SH3GL2: variants seen among roughly 807,000 people sequenced by gnomAD.
The protein encoded by SH3GL2 is SH3 domain containing GRB2 like 2, endophilin A1, also known as endophilin-A1.
Under a neutral mutation model 46.0 loss-of-function variants are expected in SH3GL2, and 24 were observed. That is an observed-to-expected ratio of 0.52 (90% CI 0.38 to 0.73). The LOEUF (loss-of-function observed/expected upper bound fraction) is 0.73. Ranked by LOEUF, SH3GL2 falls within the 30% of genes least tolerant of loss-of-function variation. The pLI is 0.00. For missense variants in SH3GL2, 413 were observed against 424.2 expected, an observed-to-expected ratio of 0.97 and a Z score of 0.23; for synonymous variants, 196 against 147.1, an observed-to-expected ratio of 1.33 and a Z score of -2.40.
intron 1 of SH3GL2, among the ~76,000 whole-genome samples, chr9:17,662,737 C>G (rs373021413): frequency 1.8e-5 from 2 of 109,566 alleles, no homozygotes; most frequent in Non-Finnish European, 3.4e-5. Flanking sequence ...GAGACAGAGT[C>G]TTGCTCTTGT....
chr9:17,630,299 G>T (rs1485939240), intron 1 of SH3GL2: 3 of 152,208 alleles, frequency 2.0e-5, no homozygotes, highest in African/African-American at 7.2e-5. Flanking sequence ...ATAAGGTGAT[G>T]AAAATAATTT....
At chr9:17,689,945 A>G (rs115950042) in intron 1 of SH3GL2, among the ~76,000 whole-genome samples, 381 of 152,276 alleles carry the variant, frequency 2.5e-3, no homozygotes, top group African/African-American at 8.8e-3. Flanking sequence ...TGTAGCAACT[A>G]GAACAACTCC....
intron 1 of SH3GL2, among the ~76,000 whole-genome samples, chr9:17,615,104 G>C (rs918535263): frequency 1.3e-5 from 2 of 152,154 alleles, no homozygotes; most frequent in African/African-American, 4.8e-5. Flanking sequence ...CCTACTCCCA[G>C]GTGTTAAGTT....
At chr9:17,617,976 T>G (rs1819044851) in intron 1 of SH3GL2, among the ~76,000 whole-genome samples, 1 of 152,122 alleles carries the variant, frequency 6.6e-6, no homozygotes, top group Non-Finnish European at 1.5e-5. Context: ...GGCTAGGGTT[T>G]AGGGGATAGA....
chr9:17,684,527 G>A (rs1479870038), intron 1 of SH3GL2, among the ~76,000 whole-genome samples: 2 of 152,002 alleles, frequency 1.3e-5, no homozygotes, highest in Non-Finnish European at 2.9e-5. Flanking sequence ...CAATAGTGTG[G>A]TATAAAATAG....
chr9:17,642,418 A>G (rs1407386265), intron 1 of SH3GL2, among the ~76,000 whole-genome samples: 1 of 152,156 alleles, frequency 6.6e-6, no homozygotes, highest in African/African-American at 2.4e-5. Context: ...TTTAGTCATG[A>G]AGGCTGCCCA....
chr9:17,585,501 CAG>C (rs907153199), intron 1 of SH3GL2, among the ~76,000 whole-genome samples: 9 of 152,206 alleles, frequency 5.9e-5, no homozygotes, highest in African/African-American at 1.9e-4. Flanking sequence ...CTCAAGAAAA[CAG>C]AGTTTATTAT....
chr9:17,648,469 A>G (rs577692820), intron 1 of SH3GL2, among the ~76,000 whole-genome samples: 6 of 152,328 alleles, frequency 3.9e-5, no homozygotes, highest in East Asian at 1.9e-4. Context: ...GGCTTTGTCT[A>G]TCTTTTGGAA....
intron 3 of SH3GL2, among the ~76,000 whole-genome samples, chr9:17,772,629 CATA>C (rs1823519862): frequency 6.6e-6 from 1 of 152,160 alleles, no homozygotes; most frequent in Non-Finnish European, 1.5e-5. Context: ...TTTCACTTGG[CATA>C]ATGTCCCAAG....
At chr9:17,705,148 A>C (rs1389883410) in intron 1 of SH3GL2, among the ~76,000 whole-genome samples, 3 of 152,082 alleles carry the variant, frequency 2.0e-5, no homozygotes, top group African/African-American at 7.2e-5. Context: ...AACATGCTCA[A>C]CATCACTGAT....
At chr9:17,675,029 A>G (rs1296107976) in intron 1 of SH3GL2, among the ~76,000 whole-genome samples, 2 of 152,140 alleles carry the variant, frequency 1.3e-5, no homozygotes, top group African/African-American at 4.8e-5. Context: ...GAGGAATGTG[A>G]TTGTTTGTTG....
intron 1 of SH3GL2, among the ~76,000 whole-genome samples, chr9:17,586,889 A>G (rs1303123090): frequency 6.6e-6 from 1 of 152,214 alleles, no homozygotes; most frequent in Non-Finnish European, 1.5e-5. Context: ...AGAAACATAA[A>G]GCAGATAGCC....
intron 1 of SH3GL2, among the ~76,000 whole-genome samples, chr9:17,735,001 A>G (rs1172506805): frequency 6.6e-6 from 1 of 152,156 alleles, no homozygotes; most frequent in African/African-American, 2.4e-5. Context: ...TTTCCCCTAC[A>G]TTCCAGAACT....
chr9:17,584,451 C>T (rs1294163516), intron 1 of SH3GL2, among the ~76,000 whole-genome samples: 1 of 152,136 alleles, frequency 6.6e-6, no homozygotes, highest in Non-Finnish European at 1.5e-5. Context: ...TGCAGTGAGT[C>T]AAGATGGTGC....
chr9:17,781,409 A>G (rs1257289570), intron 3 of SH3GL2, among the ~76,000 whole-genome samples: 1 of 143,986 alleles, frequency 6.9e-6, no homozygotes, highest in African/African-American at 2.6e-5. Flanking sequence ...AGGTTGCGAA[A>G]ATTTTCTCCC....
At chr9:17,624,932 A>G (rs1192071496) in intron 1 of SH3GL2, among the ~76,000 whole-genome samples, 1 of 152,204 alleles carries the variant, frequency 6.6e-6, no homozygotes. Context: ...CTGAGGAAGA[A>G]CAATTTTGAT....
At chr9:17,649,346 C>T (rs1177015451) in intron 1 of SH3GL2, among the ~76,000 whole-genome samples, 2 of 152,134 alleles carry the variant, frequency 1.3e-5, no homozygotes, top group Admixed American at 6.5e-5. Context: ...GGATTACAGG[C>T]GTGAGCCACC....
At position 17,756,704 on chromosome 9, in the gene SH3GL2, G is replaced by T. The variant is rs905307814; in HGVS notation, c.115-4733G>T. On this transcript the variant is annotated intron_variant, in intron 2 of 8. Coordinates refer to ENST00000380607, the MANE Select transcript of SH3GL2 (RefSeq NM_003026.5). ...TATTCCATGGTGTATATGTGCCACAGTTTCTTAATCCAGTCTATCATTGAT... is the reference window on the plus strand; with the variant it reads ...TATTCCATGGTGTATATGTGCCACATTTTCTTAATCCAGTCTATCATTGAT... 6.6e-5 allele frequency among the ~76,000 whole-genome samples: 10 copies of T among 152,110 alleles called. No individual in the cohort carries two copies. In the East Asian group the frequency reaches 1.5e-3, roughly 24 times the overall value.
intron 3 of SH3GL2, among the ~76,000 whole-genome samples, chr9:17,780,619 A>ATTAGGTATATC (rs1823779890): frequency 5.1e-5 from 6 of 118,118 alleles, no homozygotes; most frequent in Non-Finnish European, 1.0e-4. Context: ...TCCCAATGCT[A>ATTAGGTATATC]TCCCTCCCCC....
Sources: allele counts gnomAD v4.1 joint callset (sites outside exome capture counted in the v4.1 genomes callset), GRCh38; gene constraint gnomAD v4.1.1; transcripts MANE v1.5; gene names NCBI Gene and HGNC (gene_info 2026-07-23, HGNC 2026-07-21).